NSMCE2: variants seen among roughly 807,000 people sequenced by gnomAD.
The protein encoded by NSMCE2 is NSE2 SUMO ligase component of SMC5/6 complex.
A neutral mutation model predicts 23.8 loss-of-function variants in NSMCE2; 24 were observed. The observed-to-expected ratio is 1.01, with a 90% CI of 0.73 to 1.42. The LOEUF (loss-of-function observed/expected upper bound fraction) is 1.42. Among genes scored for constraint, NSMCE2 ranks in the 40% most tolerant of loss-of-function variants. The pLI is 0.00. For missense variants in NSMCE2, 284 were observed against 296.5 expected, an observed-to-expected ratio of 0.96 and a Z score of 0.31; for synonymous variants, 92 against 94.1, an observed-to-expected ratio of 0.98 and a Z score of 0.13.
intron 3 of NSMCE2, among the ~76,000 whole-genome samples, chr8:125,116,733 G>C (rs139211268): frequency 1.3e-5 from 2 of 152,228 alleles, no homozygotes; most frequent in African/African-American, 4.8e-5. Context: ...AGCTTGCAAG[G>C]CTAGCTTTTC....
At chr8:125,117,327 T>C (rs953654410) in intron 3 of NSMCE2, among the ~76,000 whole-genome samples, 1 of 152,084 alleles carries the variant, frequency 6.6e-6, no homozygotes, top group Non-Finnish European at 1.5e-5. Flanking sequence ...GTTCAAGCAA[T>C]TCTCACGCCT....
chr8:125,140,174 T>C (rs1225073519), intron 3 of NSMCE2, among the ~76,000 whole-genome samples: 1 of 152,236 alleles, frequency 6.6e-6, no homozygotes. Flanking sequence ...GCTTTATTAA[T>C]TTTAAAAACA....
intron 5 of NSMCE2, among the ~76,000 whole-genome samples, chr8:125,325,215 A>G (rs910146741): frequency 1.3e-5 from 2 of 152,146 alleles, no homozygotes; most frequent in Non-Finnish European, 2.9e-5. Context: ...CGGGAGTTCA[A>G]GGCTGCAGTA....
intron 7 of NSMCE2, among the ~76,000 whole-genome samples, chr8:125,364,195 C>T (rs1217349622): frequency 2.6e-5 from 4 of 152,138 alleles, no homozygotes; most frequent in South Asian, 4.1e-4. Context: ...CCACCTGCCT[C>T]GGCCTCCCAA....
chr8:125,365,225 C>T lies in NSMCE2; in HGVS notation c.627-1543C>T, dbSNP rs185473211. Among the ~76,000 whole-genome samples, 67 of 152,270 alleles carry T rather than the reference C, an allele frequency of 4.4e-4. 1 individual carries two copies. The highest frequency in any genetic ancestry group is 1.5e-3 in the African/African-American group (63 of 41,574). On this transcript the variant is annotated intron_variant, in intron 7 of 7. Coordinates refer to ENST00000287437, the MANE Select transcript of NSMCE2 (RefSeq NM_173685.4). Reference sequence around the variant, plus strand: ...TGTGCTGCAGCCTGTTTTGCCCCATCGTTTCCCACTGTGATGAAGGGCACT... The same window carrying T: ...TGTGCTGCAGCCTGTTTTGCCCCATTGTTTCCCACTGTGATGAAGGGCACT...
chr8:125,272,044 C>A (rs1219117660), intron 5 of NSMCE2, among the ~76,000 whole-genome samples: 1 of 131,376 alleles, frequency 7.6e-6, no homozygotes, highest in Non-Finnish European at 1.5e-5. Context: ...GACGGAGTCT[C>A]GCTCTGTCAC....
intron 4 of NSMCE2, among the ~76,000 whole-genome samples, chr8:125,151,695 T>C (rs1821039861): frequency 6.6e-6 from 1 of 152,234 alleles, no homozygotes; most frequent in East Asian, 1.9e-4. Flanking sequence ...TCAGATAATA[T>C]GGAAGAGTTT....
chr8:125,267,450 A>C (rs1329403512), intron 5 of NSMCE2, among the ~76,000 whole-genome samples: 1 of 152,232 alleles, frequency 6.6e-6, no homozygotes, highest in Admixed American at 6.5e-5. Flanking sequence ...AAGGCTAGAC[A>C]GTCAGGACCA....
At chr8:125,280,921 C>A (rs145438447) in intron 5 of NSMCE2, among the ~76,000 whole-genome samples, 2 of 152,256 alleles carry the variant, frequency 1.3e-5, no homozygotes, top group East Asian at 3.9e-4. Flanking sequence ...TGCATACTTG[C>A]CTCCCTGCCT....
At chr8:125,357,579 T>A in intron 6 of NSMCE2, 133 bp from the exon 7 acceptor site, 1 of 711,986 alleles carries the variant, frequency 1.4e-6, no homozygotes, top group African/African-American at 1.8e-5. Context: ...TGCATTTCCT[T>A]ATCTAAAGCC....
rs10654840 is a variant in NSMCE2 at position 125,262,096 on chromosome 8, C to CAAAATAAAATAAAAT, written c.418+79857_418+79871dup. ...TGGGTGACAGGGTGAGACTCTGTCT[C>CAAAATAAAATAAAAT]AAAATAAAATAAAATAAAATAAAAT... On this transcript the variant is annotated intron_variant, in intron 5 of 7. Coordinates refer to ENST00000287437, the MANE Select transcript of NSMCE2 (RefSeq NM_173685.4). Among the ~76,000 whole-genome samples, 1,081 of 143,002 alleles carry CAAAATAAAATAAAAT rather than the reference C, an allele frequency of 7.6e-3. 3 individuals carry two copies. The highest frequency in any genetic ancestry group is 0.026 in the South Asian group (110 of 4,252). The allele number at this position is 143,002 out of a possible 152,430, so 93.8% of individuals were successfully genotyped here. A position where few individuals can be genotyped will look rare whatever the true frequency, so the allele number is the denominator to read the frequency against.
intron 5 of NSMCE2, among the ~76,000 whole-genome samples, chr8:125,316,594 T>C (rs1172867739): frequency 6.6e-6 from 1 of 151,698 alleles, no homozygotes; most frequent in Non-Finnish European, 1.5e-5. Flanking sequence ...TTTCTTTTCT[T>C]TCTTTCCTTC....
chr8:125,180,297 A>G (rs1822737005), intron 4 of NSMCE2, among the ~76,000 whole-genome samples: 1 of 152,282 alleles, frequency 6.6e-6, no homozygotes, highest in African/African-American at 2.4e-5. Context: ...ATTACATATA[A>G]CACTTGTCAT....
chr8:125,294,568 A>G (rs1828248206), intron 5 of NSMCE2, among the ~76,000 whole-genome samples: 1 of 152,176 alleles, frequency 6.6e-6, no homozygotes, highest in Non-Finnish European at 1.5e-5. Context: ...TATTTATTTT[A>G]CCAATCTAGG....
chr8:125,332,115 C>G (rs1829903655), intron 5 of NSMCE2, among the ~76,000 whole-genome samples: 1 of 152,150 alleles, frequency 6.6e-6, no homozygotes, highest in Non-Finnish European at 1.5e-5. Context: ...ACATCAAGAA[C>G]AGGAGTTGTA....
intron 5 of NSMCE2, among the ~76,000 whole-genome samples, chr8:125,286,421 T>TGGG (rs1827903498): frequency 6.6e-6 from 1 of 151,828 alleles, no homozygotes; most frequent in Non-Finnish European, 1.5e-5. Flanking sequence ...CAAGTGATGC[T>TGGG]CCTGCCTCAG....
chr8:125,357,657 C>T, intron 6 of NSMCE2, 55 bp from the exon 7 acceptor site: 1 of 1,311,292 alleles, frequency 7.6e-7, no homozygotes, highest in Non-Finnish European at 1.1e-6. Flanking sequence ...GACGAAACAG[C>T]TACTGGAAGT....
intron 3 of NSMCE2, among the ~76,000 whole-genome samples, chr8:125,126,705 A>G (rs781016051): frequency 1.1e-4 from 16 of 152,216 alleles, no homozygotes; most frequent in Non-Finnish European, 2.1e-4. Context: ...CGCTAGGTTC[A>G]AACACAGCTC....
chr8:125,101,976 A>G (rs1178350487), intron 1 of NSMCE2, 75 bp from the exon 2 acceptor site: 1 of 169,056 alleles, frequency 5.9e-6, no homozygotes, highest in Non-Finnish European at 1.3e-5. Context: ...ATTGCATCAT[A>G]TGAGTGGTCT....
Sources: gnomAD v4.1 joint callset for allele counts (sites outside exome capture counted in the v4.1 genomes callset) on GRCh38, gnomAD v4.1.1 for gene constraint, MANE v1.5 for transcripts, NCBI Gene and HGNC (gene_info 2026-07-23, HGNC 2026-07-21) for gene names.